CKM: variants seen among roughly 807,000 people sequenced by gnomAD.
The protein encoded by CKM is creatine kinase, M-type.
In CKM, 28 loss-of-function variants were observed where a neutral mutation model predicts 35.4. The observed-to-expected ratio is 0.79, with a 90% CI of 0.59 to 1.08. The LOEUF (loss-of-function observed/expected upper bound fraction) is 1.08, where lower values mean the gene tolerates loss of function less well. CKM is among the 50% of genes least tolerant of loss of function. CKM has a pLI of 0.00. For synonymous variants in CKM, 215 were observed against 204.4 expected (o/e 1.05, Z -0.44); for missense variants, 484 against 509.8 (o/e 0.95, Z 0.49).
chr19:45,318,521 G>A (rs867021320), intron 2 of CKM, among the ~76,000 whole-genome samples: 2 of 152,014 alleles, frequency 1.3e-5, no homozygotes, highest in Admixed American at 6.6e-5. Context: ...AAAGAGTGCT[G>A]GGGGCGGGGT....
At chr19:45,313,715 C>T (rs901541955) in intron 4 of CKM, among the ~76,000 whole-genome samples, 3 of 152,128 alleles carry the variant, frequency 2.0e-5, no homozygotes, top group South Asian at 2.1e-4. Context: ...GGCGTGGTGG[C>T]GCATGCCGGT....
At chr19:45,319,381 C>T in intron 2 of CKM, 140 bp downstream of exon 2, 1 of 675,746 alleles carries the variant, frequency 1.5e-6, no homozygotes, top group Non-Finnish European at 2.7e-6. Context: ...TATATTAATG[C>T]ATTGATTCCC....
At chr19:45,310,151 T>C (rs570905480) in intron 5 of CKM, among the ~76,000 whole-genome samples, 2,911 of 128,612 alleles carry the variant, frequency 0.023, 43 homozygotes, top group Non-Finnish European at 0.035. Context: ...GACAGAGTCT[T>C]GGTCTGTCGC....
At chr19:45,313,343 TTG>T (rs1303116288) in intron 4 of CKM, among the ~76,000 whole-genome samples, 8 of 152,164 alleles carry the variant, frequency 5.3e-5, no homozygotes, top group African/African-American at 1.7e-4. Context: ...GCCACCGACC[TTG>T]CCCATATAAA....
intron 5 of CKM, among the ~76,000 whole-genome samples, chr19:45,309,395 A>C (rs1395278807): frequency 6.6e-6 from 1 of 151,666 alleles, no homozygotes; most frequent in African/African-American, 2.4e-5. Flanking sequence ...ATATCTACAA[A>C]ATTTAAAAAA....
intron 1 of CKM, 83 bp downstream of exon 1, chr19:45,322,738 A>C (rs900864885): frequency 1.2e-6 from 1 of 858,674 alleles, no homozygotes; most frequent in African/African-American, 1.8e-5. Flanking sequence ...GGTGACACAC[A>C]GACCCTTTCC....
At chr19:45,317,680 C>G in intron 3 of CKM, 145 bp downstream of exon 3, 3 of 926,698 alleles carry the variant, frequency 3.2e-6, no homozygotes, top group Non-Finnish European at 5.1e-6. Flanking sequence ...CCTCAGCCTC[C>G]CAATGTCCCT....
chr19:45,319,953 C>T (rs1405015311), intron 1 of CKM, among the ~76,000 whole-genome samples: 1 of 151,194 alleles, frequency 6.6e-6, no homozygotes, highest in Non-Finnish European at 1.5e-5. Flanking sequence ...ACCACGCCGG[C>T]TCATTTTTTG....
Position 45,315,524 on chromosome 19 carries a change from G to A in CKM, c.422C>T (p.Thr141Met), listed in dbSNP as rs770523008. ...GCCACGGGAGCAGTGTGGGGGCAACGTGTAGCCCTTGATGCTGCGGCCAGT... is the reference window on the plus strand; with the variant it reads ...GCCACGGGAGCAGTGTGGGGGCAACATGTAGCCCTTGATGCTGCGGCCAGT... ...VRTGRSIKGY[T>M]LPPHCSRGER... Residue 141 changes from threonine (T) to methionine (M), a missense_variant, in exon 4 of 8, where the codon ACG becomes ATG. Transcript: ENST00000221476. 5.5e-5 allele frequency: 88 copies of A among 1,601,540 alleles called. 1 individual carries two copies. The highest frequency in any genetic ancestry group is 6.5e-5 in the Non-Finnish European group (77 of 1,179,940).
At chr19:45,316,798 C>G (rs1240024318) in intron 3 of CKM, among the ~76,000 whole-genome samples, 1 of 151,572 alleles carries the variant, frequency 6.6e-6, no homozygotes, top group Admixed American at 6.6e-5. Flanking sequence ...GAGTCTCGCT[C>G]TGTCACCCAG....
chr19:45,310,367 G>T (rs951051734), intron 5 of CKM, among the ~76,000 whole-genome samples: 1 of 151,170 alleles, frequency 6.6e-6, no homozygotes. Context: ...TGATCCGCCC[G>T]CCTTGGCCTC....
chr19:45,311,379 G>A (rs941434113), intron 5 of CKM, among the ~76,000 whole-genome samples: 3 of 151,848 alleles, frequency 2.0e-5, no homozygotes, highest in East Asian at 1.9e-4. Context: ...GACTACAGGC[G>A]CCTGCCACTA....
In CKM at chr19:45,315,588, C is replaced by T. The variant is rs771688624; in HGVS notation, c.358G>A (p.Asp120Asn). 8 of 1,603,752 alleles carry T rather than the reference C, an allele frequency of 5.0e-6. No homozygotes were observed. Among genetic ancestry groups the T allele is most frequent in the African/African-American group, 1.3e-5 (1 of 74,924 alleles). ...LNHENLKGGD[D>N]LDPNYVLSSR... ...CTGAGCACGTAGTTAGGGTCCAGGT[C>T]GTCTCCACCCTGGAGAGCGGGTGGG... The change falls in exon 4 of 8, where the codon GAC (aspartate) becomes AAC (asparagine). Residue 120 changes from aspartate (D) to asparagine (N), a missense_variant. Asp to Asn is a conservative substitution (Grantham distance 23). Coordinates refer to ENST00000221476, the MANE Select transcript of CKM (RefSeq NM_001824.5).
At chr19:45,314,192 A>G (rs1410274889) in intron 4 of CKM, among the ~76,000 whole-genome samples, 1 of 151,876 alleles carries the variant, frequency 6.6e-6, no homozygotes, top group Non-Finnish European at 1.5e-5. Context: ...GAAGGAAGGA[A>G]GGAAGGAATT....
rs1971111465 is a variant in CKM, at chr19:45,311,737, G to T, written c.653+12C>A. 6.4e-7 allele frequency: 1 copy of T among 1,561,024 alleles called. No individual in the cohort carries two copies. Among genetic ancestry groups the T allele is most frequent in the Non-Finnish European group, 8.7e-7 (1 of 1,155,544 alleles). ...GGGGAAGAGGAAGCCAGGGGGCGGG[G>T]AGGGGCCTCACCAGATGCCACGGGC... On this transcript the variant is annotated intron_variant, in intron 5 of 7. Coordinates refer to ENST00000221476, the MANE Select transcript of CKM (RefSeq NM_001824.5).
rs1048675778 is a variant in CKM, at chr19:45,308,502, C to A, written c.684G>T (p.Trp228Cys). The A allele has an allele frequency of 6.2e-7, 1 of 1,614,112 alleles. No individual in the cohort carries two copies. The highest frequency in any genetic ancestry group is 8.5e-7 in the Non-Finnish European group (1 of 1,179,998). The change falls in exon 6 of 8, where the codon TGG becomes TGT. Residue 228 changes from tryptophan to cysteine, a missense_variant. Transcript: ENST00000221476. ...WHNDNKSFLVWVNEEDHLRVI... is the reference protein window; with the variant it reads ...WHNDNKSFLVCVNEEDHLRVI... The stretch of plus-strand genomic sequence containing the variant: ...CCCGGAGGTGATCCTCCTCGTTCAC[C>A]CACACCAGGAAGCTCTTGTTGTCAT...
chr19:45,307,555 C>T lies in CKM; in HGVS notation c.873G>A (p.Leu291=), dbSNP rs756206892. Reference sequence around the variant, plus strand: ...CCAGCTTCACATGCACGCCTCCACGCAGCCCAGTGCCCAGGTTGGATGGGC... The same window carrying T: ...CCAGCTTCACATGCACGCCTCCACGTAGCCCAGTGCCCAGGTTGGATGGGC... The part of the protein sequence containing the change: ...LTCPSNLGTG[L]RGGVHVKLAH... Residue 291 remains leucine (L), a synonymous_variant, in exon 7 of 8, where the codon CTG becomes CTA. Transcript: ENST00000221476. 6.2e-7 allele frequency: 1 copy of T among 1,614,170 alleles called. No individual in the cohort carries two copies. The highest frequency in any genetic ancestry group is 8.5e-7 in the Non-Finnish European group (1 of 1,179,988).
rs948721071 is a variant in CKM at position 45,307,871 on chromosome 19, T to G, written c.778-221A>C. On this transcript the variant is annotated intron_variant, in intron 6 of 7. Transcript: ENST00000221476. The stretch of plus-strand genomic sequence containing the variant: ...TAAGAACGCTTTGAAGGCGGGTTTT[T>G]TTTTTTTTTTTTTCCAGAGTCTCTC... 5.4e-5 allele frequency among the ~76,000 whole-genome samples: 8 copies of G among 147,338 alleles called. No homozygotes were observed. The South Asian group carries it at 6.5e-4, about 12-fold the overall frequency.
chr19:45,308,626 G>A (rs1228118892), intron 5 of CKM, 94 bp from the exon 6 acceptor site: 1 of 1,432,020 alleles, frequency 7.0e-7, no homozygotes, highest in Non-Finnish European at 9.7e-7. Context: ...ACCGATGGGG[G>A]AAGAGGGCCT....
Sources: gnomAD v4.1 joint callset for allele counts (sites outside exome capture counted in the v4.1 genomes callset) on GRCh38, gnomAD v4.1.1 for gene constraint, MANE v1.5 for transcripts, NCBI Gene and HGNC (gene_info 2026-07-23, HGNC 2026-07-21) for gene names.